PRRX1: variants seen among roughly 807,000 people sequenced by gnomAD.
PRRX1 encodes the protein paired related homeobox 1.
Under a neutral mutation model 24.0 loss-of-function variants are expected in PRRX1, and 8 were observed. That is an observed-to-expected ratio of 0.33 (90% CI 0.20 to 0.60). The LOEUF is 0.60. Among genes scored for constraint, PRRX1 ranks in the 20% least tolerant of loss-of-function variants. The pLI, the probability that PRRX1 is intolerant of heterozygous loss-of-function variation, is 0.82. For missense variants in PRRX1, 281 were observed against 322.4 expected (o/e 0.87, Z 0.98); for synonymous variants, 160 against 131.7 (o/e 1.22, Z -1.47).
intron 1 of PRRX1, among the ~76,000 whole-genome samples, chr1:170,687,972 G>A (rs1007001388): frequency 7.2e-5 from 11 of 152,044 alleles, no homozygotes; most frequent in Admixed American, 1.3e-4. Flanking sequence ...AGAAAGAGAA[G>A]GACCGGGAAA....
At position 170,664,473 on chromosome 1, in the gene PRRX1, G is replaced by T. The variant is rs1213609069; in HGVS notation, c.241+14G>T. 2 of 1,588,708 alleles carry T rather than the reference G, an allele frequency of 1.3e-6. No individual in the cohort carries two copies. Among genetic ancestry groups the T allele is most frequent in the East Asian group, 2.3e-5 (1 of 43,908 alleles). ...CGCAGCAGGACAGTGAGTGAGGGGC[G>T]CATGCCCACGGGGGTGTGTGCCCGG... On this transcript the variant is annotated intron_variant, in intron 1 of 3. Coordinates refer to ENST00000239461, the MANE Select transcript of PRRX1 (RefSeq NM_022716.4).
rs1239167239 is a variant in PRRX1, at chr1:170,737,583, G to T, written c.*1397G>T. ...CACATGTTTAAGAGGAATACCTAAA[G>T]GTTTTTCTAAATTCCAACATTTAAA... is the stretch of plus-strand genomic sequence containing the variant. On this transcript the variant is annotated 3_prime_UTR_variant, in exon 4 of 4. Transcript: ENST00000239461. 3 of 212,094 alleles carry T rather than the reference G, an allele frequency of 1.4e-5. No individual in the cohort carries two copies. The highest frequency in any genetic ancestry group is 6.8e-5 in the African/African-American group (3 of 44,082). 13.1% of individuals were successfully genotyped at this position (212,094 alleles called of 1,614,324 possible). A position where few individuals can be genotyped will look rare whatever the true frequency, so the allele number is the denominator to read the frequency against.
intron 1 of PRRX1, among the ~76,000 whole-genome samples, chr1:170,674,556 A>C (rs547562747): frequency 6.6e-6 from 1 of 152,144 alleles, no homozygotes; most frequent in East Asian, 1.9e-4. Flanking sequence ...AGTAGTGCTC[A>C]ATTGTTTTCT....
At chr1:170,692,436 T>G (rs768205090) in intron 1 of PRRX1, among the ~76,000 whole-genome samples, 1 of 152,104 alleles carries the variant, frequency 6.6e-6, no homozygotes, top group Non-Finnish European at 1.5e-5. Flanking sequence ...TATTTTACAA[T>G]GTAGCTAACT....
At chr1:170,690,130 C>T (rs1390215347) in intron 1 of PRRX1, among the ~76,000 whole-genome samples, 2 of 151,842 alleles carry the variant, frequency 1.3e-5, no homozygotes, top group East Asian at 1.9e-4. Context: ...CCCTCCCCCC[C>T]CATTTTTTCA....
intron 1 of PRRX1, among the ~76,000 whole-genome samples, chr1:170,669,748 G>C (rs955408656): frequency 6.6e-6 from 1 of 152,046 alleles, no homozygotes; most frequent in African/African-American, 2.4e-5. Context: ...AGGTCTGTAC[G>C]TGCCTGTGCC....
intron 1 of PRRX1, among the ~76,000 whole-genome samples, chr1:170,697,651 T>A (rs1654214137): frequency 6.7e-6 from 1 of 148,846 alleles, no homozygotes; most frequent in African/African-American, 2.4e-5. Context: ...ATTTTATGTA[T>A]CTGTAAATAT....
chr1:170,728,455 A>C (rs1010662697), intron 3 of PRRX1: 15 of 152,210 alleles, frequency 9.9e-5, no homozygotes, highest in South Asian at 2.1e-4. Flanking sequence ...ATTAGAGTTC[A>C]ATGTTTTATA....
At chr1:170,722,390 A>C (rs927467760) in intron 2 of PRRX1, among the ~76,000 whole-genome samples, 1 of 151,806 alleles carries the variant, frequency 6.6e-6, no homozygotes, top group Admixed American at 6.6e-5. Context: ...TTTTTTCCTC[A>C]TACACTTATC....
At chr1:170,722,217 C>G (rs1655113504) in intron 2 of PRRX1, among the ~76,000 whole-genome samples, 1 of 152,118 alleles carries the variant, frequency 6.6e-6, no homozygotes, top group African/African-American at 2.4e-5. Context: ...CCAATCCCTT[C>G]TGATTCTGGG....
chr1:170,731,110 A>G (rs923942747), intron 3 of PRRX1, among the ~76,000 whole-genome samples: 2 of 152,244 alleles, frequency 1.3e-5, no homozygotes, highest in African/African-American at 4.8e-5. Context: ...GAAGTTAGTT[A>G]TTTAAATCAC....
chr1:170,687,626 A>G (rs574268865), intron 1 of PRRX1, among the ~76,000 whole-genome samples: 2 of 152,316 alleles, frequency 1.3e-5, no homozygotes, highest in African/African-American at 4.8e-5. Flanking sequence ...ATTAAGTAAG[A>G]TAATGTATAG....
At chr1:170,695,005 T>C (rs899689244) in intron 1 of PRRX1, among the ~76,000 whole-genome samples, 9 of 152,164 alleles carry the variant, frequency 5.9e-5, no homozygotes, top group Admixed American at 4.6e-4. Context: ...GGAGATATGC[T>C]GTGGTGATCT....
In PRRX1 at chr1:170,735,976, C is replaced by G. The variant is rs900670291; in HGVS notation, c.600-72C>G. On this transcript the variant is annotated intron_variant, in intron 3 of 3. Coordinates refer to ENST00000239461, the MANE Select transcript of PRRX1 (RefSeq NM_022716.4). Reference sequence around the variant, plus strand: ...GCCCCCATGCTGAGAGTACATCCATCTGGGGCACAGACTTGCAGCTTTGTG... The same window carrying G: ...GCCCCCATGCTGAGAGTACATCCATGTGGGGCACAGACTTGCAGCTTTGTG... 9.4e-6 allele frequency: 15 copies of G among 1,590,950 alleles called. No individual in the cohort carries two copies. The Admixed American group carries it at 1.7e-4, about 18-fold the overall frequency.
In PRRX1 at chr1:170,738,166, C is replaced by A. The variant is rs1056881388; in HGVS notation, c.*1980C>A. 5 of 220,662 alleles carry A rather than the reference C, an allele frequency of 2.3e-5. No individual in the cohort carries two copies. The highest frequency in any genetic ancestry group is 1.4e-3 in the Middle Eastern group (1 of 708). 13.7% of individuals were successfully genotyped at this position (220,662 alleles called of 1,614,324 possible). A position where few individuals can be genotyped will look rare whatever the true frequency, so the allele number is the denominator to read the frequency against. On this transcript the variant is annotated 3_prime_UTR_variant, in exon 4 of 4. Transcript: ENST00000239461. ...TTTTTAGTTGTGAGTGATTAAAAAA[C>A]TTTGGATCAATTTTGGTCAAACATG...
intron 1 of PRRX1, among the ~76,000 whole-genome samples, chr1:170,702,435 A>G (rs1235871770): frequency 6.6e-6 from 1 of 152,188 alleles, no homozygotes; most frequent in Non-Finnish European, 1.5e-5. Flanking sequence ...TCTACTTGGA[A>G]GAACTTTTAA....
chr1:170,673,437 C>T (rs1653207519), intron 1 of PRRX1, among the ~76,000 whole-genome samples: 1 of 152,148 alleles, frequency 6.6e-6, no homozygotes, highest in South Asian at 2.1e-4. Context: ...CTTGGTGGAA[C>T]ACCTTTCTAA....
Position 170,736,584 on chromosome 1 carries a change from C to A in PRRX1, c.*398C>A, listed in dbSNP as rs1655615840. 8.5e-6 allele frequency: 2 copies of A among 234,804 alleles called. No individual in the cohort carries two copies. Among genetic ancestry groups the A allele is most frequent in the South Asian group, 6.8e-5 (1 of 14,778 alleles). The allele number at this position is 234,804 out of a possible 1,614,324, so 14.5% of individuals were successfully genotyped here. On this transcript the variant is annotated 3_prime_UTR_variant, in exon 4 of 4. Transcript: ENST00000239461. ...TATATATATATATCCAGAATGATTGCCTCTACTGTCCTCATTGACTTGTTT... is the reference window on the plus strand; with the variant it reads ...TATATATATATATCCAGAATGATTGACTCTACTGTCCTCATTGACTTGTTT...
chr1:170,673,941 G>A (rs1024823460), intron 1 of PRRX1, among the ~76,000 whole-genome samples: 2 of 152,162 alleles, frequency 1.3e-5, no homozygotes. Flanking sequence ...ATCCATGCTT[G>A]TCCTTAATGT....
Sources: gnomAD v4.1 joint callset for allele counts (sites outside exome capture counted in the v4.1 genomes callset) on GRCh38, gnomAD v4.1.1 for gene constraint, MANE v1.5 for transcripts, NCBI Gene and HGNC (gene_info 2026-07-23, HGNC 2026-07-21) for gene names.